The following INVS variants were observed in gnomAD, a reference collection of about 807,000 sequenced individuals.
INVS encodes inversin, also known as inversion of embryo turning homolog.
INVS carries 86 observed loss-of-function variants against 108.8 expected under a neutral mutation model. The ratio of observed to expected loss-of-function variants is 0.79; its 90% CI spans 0.66 to 0.95. The LOEUF (loss-of-function observed/expected upper bound fraction) is 0.95, where lower values mean the gene tolerates loss of function less well. Among genes scored for constraint, INVS ranks in the 40% least tolerant of loss-of-function variants. INVS has a pLI of 0.00. For missense variants in INVS, 1,169 were observed against 1,297.4 expected (o/e 0.90, Z 1.52); for synonymous variants, 455 against 473.5 (o/e 0.96, Z 0.51).
chr9:100,259,627 T>A (rs564282582), intron 10 of INVS, among the ~76,000 whole-genome samples: 2 of 136,398 alleles, frequency 1.5e-5, no homozygotes, highest in South Asian at 4.9e-4. Context: ...AACCTCCACC[T>A]CCCGGGTTCA....
intron 2 of INVS, among the ~76,000 whole-genome samples, chr9:100,121,338 C>T (rs1473557987): frequency 6.6e-6 from 1 of 152,154 alleles, no homozygotes; most frequent in Non-Finnish European, 1.5e-5. Context: ...CCTGCCCACA[C>T]TCAAGAGGAA....
chr9:100,116,899 A>C, intron 2 of INVS: 2 of 1,277,356 alleles, frequency 1.6e-6, no homozygotes, highest in South Asian at 1.2e-5. Flanking sequence ...TGTAGGTCTT[A>C]GAGATGGCAT....
At chr9:100,263,216 T>A (rs1380317710) in intron 10 of INVS, among the ~76,000 whole-genome samples, 2 of 151,640 alleles carry the variant, frequency 1.3e-5, no homozygotes, top group Admixed American at 6.6e-5. Flanking sequence ...TCTCATTTTT[T>A]AAATTGATTA....
Position 100,267,806 on chromosome 9 carries a change from G to T in INVS, c.1571+2878G>T, listed in dbSNP as rs12005758. ...ATCTTAAAATGATGCTAGATATTTGGATTGTGTCTCTGAATAAAAAATTGA... is the reference window on the plus strand; with the variant it reads ...ATCTTAAAATGATGCTAGATATTTGTATTGTGTCTCTGAATAAAAAATTGA... On this transcript the variant is annotated intron_variant, in intron 11 of 16. Transcript: ENST00000262457. 3.7e-3 allele frequency among the ~76,000 whole-genome samples: 564 copies of T among 152,220 alleles called. 5 individuals carry two copies. The highest frequency in any genetic ancestry group is 0.013 in the African/African-American group (534 of 41,536).
At chr9:100,264,787 C>G in intron 10 of INVS, 35 bp from the exon 11 acceptor site, 1 of 1,359,412 alleles carries the variant, frequency 7.4e-7, no homozygotes, top group Non-Finnish European at 1.1e-6. Context: ...AAAATACTTA[C>G]TCCAGATGTA....
chr9:100,169,416 A>C (rs1021901603), intron 3 of INVS, among the ~76,000 whole-genome samples: 3 of 152,234 alleles, frequency 2.0e-5, no homozygotes, highest in African/African-American at 7.2e-5. Context: ...AAAATGAGTT[A>C]GCTCGTTCTC....
intron 10 of INVS, 142 bp from the exon 11 acceptor site, chr9:100,264,680 C>A: frequency 1.5e-6 from 1 of 669,110 alleles, no homozygotes; most frequent in Non-Finnish European, 2.7e-6. Context: ...TTGCTTTCTC[C>A]ACTGTATATT....
intron 3 of INVS, among the ~76,000 whole-genome samples, chr9:100,221,648 T>A (rs1831154563): frequency 6.6e-6 from 1 of 151,954 alleles, no homozygotes; most frequent in Non-Finnish European, 1.5e-5. Context: ...TCCTATATCA[T>A]CATTATCTGT....
chr9:100,282,310 C>G (rs764278260), intron 12 of INVS, among the ~76,000 whole-genome samples: 1 of 152,066 alleles, frequency 6.6e-6, no homozygotes, highest in Non-Finnish European at 1.5e-5. Flanking sequence ...CTGTAGACCA[C>G]AGTCATTAGC....
chr9:100,223,040 TATG>T (rs1017497121), intron 3 of INVS, among the ~76,000 whole-genome samples: 19 of 152,132 alleles, frequency 1.2e-4, no homozygotes, highest in African/African-American at 4.6e-4. Flanking sequence ...TCTTAACTGT[TATG>T]ATCTAATATA....
intron 3 of INVS, among the ~76,000 whole-genome samples, chr9:100,161,364 CAAAAAAAAAAAA>C (rs35392930): frequency 3.2e-4 from 4 of 12,370 alleles, no homozygotes; most frequent in African/African-American, 1.2e-3. Context: ...ACTTCCATCT[CAAAAAAAAAAAA>C]AAAAAAAAAA....
chr9:100,137,802 T>C (rs1209117770), intron 3 of INVS, among the ~76,000 whole-genome samples: 1 of 152,230 alleles, frequency 6.6e-6, no homozygotes, highest in African/African-American at 2.4e-5. Context: ...TTTCCAATTG[T>C]ATTTAAAAGT....
intron 14 of INVS, among the ~76,000 whole-genome samples, chr9:100,295,014 C>T (rs890141767): frequency 1.3e-5 from 2 of 152,210 alleles, no homozygotes; most frequent in Admixed American, 6.5e-5. Flanking sequence ...CCAAGACAGT[C>T]GGCCTCGAAA....
Position 100,270,121 on chromosome 9 carries a change from AT to A in INVS, c.1572-2733del, listed in dbSNP as rs59857087. Among the ~76,000 whole-genome samples the A allele has an allele frequency of 6.8e-3, 1,022 of 150,114 alleles. 10 individuals are homozygous for A. The highest frequency in any genetic ancestry group is 0.023 in the African/African-American group (960 of 40,906). ...AATTTGGGGGATTTTTTTTACTTCA[AT>A]TTTTTTTTTGCAGTGTTTTGAGTTC... On this transcript the variant is annotated intron_variant, in intron 11 of 16. Transcript: ENST00000262457.
intron 4 of INVS, among the ~76,000 whole-genome samples, chr9:100,227,558 T>C (rs1398398974): frequency 6.6e-6 from 1 of 152,210 alleles, no homozygotes; most frequent in Non-Finnish European, 1.5e-5. Flanking sequence ...TTCAAGATGA[T>C]CATTTTCAAC....
chr9:100,243,641 T>C (rs1831950459), intron 7 of INVS, among the ~76,000 whole-genome samples: 1 of 152,160 alleles, frequency 6.6e-6, no homozygotes, highest in South Asian at 2.1e-4. Flanking sequence ...CATCCAAGGA[T>C]GCACATGTTA....
chr9:100,236,046 T>G (rs1253238723), intron 5 of INVS, among the ~76,000 whole-genome samples: 1 of 152,234 alleles, frequency 6.6e-6, no homozygotes, highest in Non-Finnish European at 1.5e-5. Context: ...TTGGAGGCTT[T>G]GTTCATTCCT....
intron 12 of INVS, among the ~76,000 whole-genome samples, chr9:100,275,843 T>C (rs988842560): frequency 1.3e-5 from 2 of 152,226 alleles, no homozygotes; most frequent in African/African-American, 4.8e-5. Flanking sequence ...ATAATCAATT[T>C]GAAAGCACTT....
At chr9:100,262,342 A>G (rs184764923) in intron 10 of INVS, among the ~76,000 whole-genome samples, 3 of 152,104 alleles carry the variant, frequency 2.0e-5, no homozygotes, top group Admixed American at 6.5e-5. Flanking sequence ...TCTTGAAGTT[A>G]TCTGGTGTTG....
Sources: allele counts gnomAD v4.1 joint callset (sites outside exome capture counted in the v4.1 genomes callset), GRCh38; gene constraint gnomAD v4.1.1; transcripts MANE v1.5; gene names NCBI Gene and HGNC (gene_info 2026-07-23, HGNC 2026-07-21).